The following MEX3C variants were observed in gnomAD, a reference collection of about 807,000 sequenced individuals.
MEX3C encodes the protein RNA-binding E3 ubiquitin-protein ligase MEX3C.
In MEX3C, 15 loss-of-function variants were observed where a neutral mutation model predicts 35.5. That is an observed-to-expected ratio of 0.42 (90% CI 0.28 to 0.65). The LOEUF (loss-of-function observed/expected upper bound fraction) is 0.65, where lower values mean the gene tolerates loss of function less well. MEX3C is among the 30% of genes least tolerant of loss of function. The probability of loss-of-function intolerance (pLI) is 0.20; values close to 1 mark genes in which losing one functional copy is unlikely to be tolerated. For missense variants in MEX3C, 711 were observed against 842.8 expected (o/e 0.84, Z 1.94); for synonymous variants, 390 against 352.8 (o/e 1.11, Z -1.18).
rs1169040406 is a variant in MEX3C at position 51,197,270 on chromosome 18, G to A, written c.51C>T (p.Pro17=). 3.4e-6 allele frequency: 3 copies of A among 876,314 alleles called. No homozygotes were observed. Among genetic ancestry groups the A allele is most frequent in the Non-Finnish European group, 2.7e-6 (2 of 732,898 alleles). The allele number at this position is 876,314 out of a possible 1,614,324, so 54.3% of individuals were successfully genotyped here. A position where few individuals can be genotyped will look rare whatever the true frequency, so the allele number is the denominator to read the frequency against. Residue 17 remains proline, a synonymous_variant, in exon 1 of 2, where the codon CCC becomes CCT. Coordinates refer to ENST00000406189, the MANE Select transcript of MEX3C (RefSeq NM_016626.5). ...AALALAAAPA[P]LPQPPPPPPP... ...GCGGCGGCGGGGGCGGCTGCGGCAG[G>A]GGGGCCGGGGCCGCCGCCAGGGCCA... is the stretch of plus-strand genomic sequence containing the variant.
chr18:51,189,420 T>C (rs1429473988), intron 1 of MEX3C, among the ~76,000 whole-genome samples: 1 of 152,266 alleles, frequency 6.6e-6, no homozygotes, highest in Middle Eastern at 3.4e-3. Flanking sequence ...CCTAAACCAA[T>C]GTTCTCTCAA....
Position 51,176,073 on chromosome 18 carries a change from G to A in MEX3C, c.*278C>T, listed in dbSNP as rs1912294401. ...CACAACCTATGATTATCTTCACTCA[G>A]CCAAGTTGAACTTCAGCTTTAGCAA... is the stretch of plus-strand genomic sequence containing the variant. On this transcript the variant is annotated 3_prime_UTR_variant, in exon 2 of 2. Coordinates refer to ENST00000406189, the MANE Select transcript of MEX3C (RefSeq NM_016626.5). 1.0e-5 allele frequency: 3 copies of A among 295,036 alleles called. No homozygotes were observed. In the East Asian group the frequency reaches 1.8e-4, roughly 18 times the overall value. 18.3% of individuals were successfully genotyped at this position (295,036 alleles called of 1,614,324 possible).
At chr18:51,187,234 A>G (rs930507763) in intron 1 of MEX3C, among the ~76,000 whole-genome samples, 2 of 152,182 alleles carry the variant, frequency 1.3e-5, no homozygotes, top group African/African-American at 4.8e-5. Context: ...AGTTATCTGA[A>G]TAACAAACAT....
At position 51,196,892 on chromosome 18, in the gene MEX3C, C is replaced by G; in HGVS notation, c.429G>C (p.Leu143=). 6.5e-7 allele frequency: 1 copy of G among 1,541,700 alleles called. No individual in the cohort carries two copies. The highest frequency in any genetic ancestry group is 1.4e-5 in the African/African-American group (1 of 72,290). Residue 143 remains leucine (L), a synonymous_variant, in exon 1 of 2, where the codon CTG becomes CTC. Transcript: ENST00000406189. ...AEEEDRSSLL[L]LSPPAATASQ... ...AGGCGGTGGCCGCGGGCGGCGACAG[C>G]AGCAGCAGCGACGACCGGTCCTCCT...
rs1444303302 is a variant in MEX3C at position 51,196,580 on chromosome 18, G to A, written c.741C>T (p.Ile247=). ...PVPSSEHVAE[I]VGRQGCKIKA... ...CCCTGCACTCACCCTGGCGGCCGAC[G>A]ATCTCGGCGACGTGCTCGGAGCTGG... Residue 247 remains isoleucine, a synonymous_variant, in exon 1 of 2, where the codon ATC becomes ATT. Transcript: ENST00000406189. The A allele has an allele frequency of 1.9e-6, 3 of 1,589,434 alleles. No homozygotes were observed. Among genetic ancestry groups the A allele is most frequent in the South Asian group, 1.1e-5 (1 of 88,634 alleles).
Position 51,196,748 on chromosome 18 carries a change from G to C in MEX3C, c.573C>G (p.Asp191Glu). The C allele has an allele frequency of 6.6e-7, 1 of 1,518,060 alleles. No individual in the cohort carries two copies. The highest frequency in any genetic ancestry group is 8.8e-7 in the Non-Finnish European group (1 of 1,134,196). The allele number at this position is 1,518,060 out of a possible 1,614,324, so 94.0% of individuals were successfully genotyped here. ...TCGCCGCCATCATGCCCTGGGCATC[G>C]TCCCCTCCGTACAGCACCCCCGCCG... ...AAAAGVLYGG[D>E]DAQGMMAAML... Residue 191 changes from aspartate (D) to glutamate (E), a missense_variant, in exon 1 of 2, where the codon GAC (aspartate) becomes GAG (glutamate). By Grantham distance (45) the Asp-to-Glu change is conservative. Coordinates refer to ENST00000406189, the MANE Select transcript of MEX3C (RefSeq NM_016626.5).
chr18:51,178,526 G>C (rs1338279523), intron 1 of MEX3C, among the ~76,000 whole-genome samples: 1 of 152,054 alleles, frequency 6.6e-6, no homozygotes, highest in Non-Finnish European at 1.5e-5. Context: ...GAGCTTGCCA[G>C]CATAGATGTG....
chr18:51,191,722 T>C (rs756052820), intron 1 of MEX3C, among the ~76,000 whole-genome samples: 1 of 152,190 alleles, frequency 6.6e-6, no homozygotes, highest in Non-Finnish European at 1.5e-5. Flanking sequence ...GATTTCTTTA[T>C]CTTCCAGAGT....
chr18:51,181,074 A>G (rs992715579), intron 1 of MEX3C, among the ~76,000 whole-genome samples: 4 of 152,198 alleles, frequency 2.6e-5, no homozygotes, highest in African/African-American at 9.7e-5. Flanking sequence ...TGACGAAGGT[A>G]TTAGCTTTTT....
chr18:51,176,570 G>A lies in MEX3C; in HGVS notation c.1761C>T (p.Tyr587=). The part of the protein sequence containing the change: ...IPAFSNGTNS[Y]SSSNGGSTSS... ...AGGTGGAACCACCATTGGAAGAGGA[G>A]TAACTATTGGTACCATTAGAAAAAG... Residue 587 remains tyrosine, a synonymous_variant, in exon 2 of 2, where the codon TAC becomes TAT. Coordinates refer to ENST00000406189, the MANE Select transcript of MEX3C (RefSeq NM_016626.5). 6.2e-7 allele frequency: 1 copy of A among 1,613,990 alleles called. No homozygotes were observed. The highest frequency in any genetic ancestry group is 1.1e-5 in the South Asian group (1 of 91,086).
chr18:51,183,515 A>T (rs1434250432), intron 1 of MEX3C, among the ~76,000 whole-genome samples: 1 of 152,240 alleles, frequency 6.6e-6, no homozygotes, highest in East Asian at 1.9e-4. Context: ...TGGCTCCTCA[A>T]GATTCCTGGG....
At chr18:51,182,414 T>A (rs1399262933) in intron 1 of MEX3C, among the ~76,000 whole-genome samples, 1 of 152,218 alleles carries the variant, frequency 6.6e-6, no homozygotes, top group Non-Finnish European at 1.5e-5. Context: ...AAAATCCACA[T>A]ATGGCAAGTT....
rs1458641765 is a variant in MEX3C at position 51,174,638 on chromosome 18, A to G, written c.*1713T>C. 6.6e-6 allele frequency: 1 copy of G among 152,670 alleles called. No homozygotes were observed. Among genetic ancestry groups the G allele is most frequent in the East Asian group, 1.9e-4 (1 of 5,204 alleles). 9.5% of individuals were successfully genotyped at this position (152,670 alleles called of 1,614,324 possible). On this transcript the variant is annotated 3_prime_UTR_variant, in exon 2 of 2. Transcript: ENST00000406189. ...TAATTCTCTTTACAGCAAATATATA[A>G]TATCAGTGCTTTGGCCATCTTAAGT... is the stretch of plus-strand genomic sequence containing the variant.
chr18:51,196,349 C>T, intron 1 of MEX3C: 1 of 1,116,168 alleles, frequency 9.0e-7, no homozygotes, highest in Non-Finnish European at 1.2e-6. Context: ...GCCCGAGAAA[C>T]TTCACACTTT....
intron 1 of MEX3C, among the ~76,000 whole-genome samples, chr18:51,180,001 G>C (rs148642354): frequency 6.8e-6 from 1 of 147,738 alleles, no homozygotes; most frequent in African/African-American, 2.5e-5. Context: ...TGGGCAAATT[G>C]CATTAAGGAC....
chr18:51,191,339 A>G (rs1912644862), intron 1 of MEX3C, among the ~76,000 whole-genome samples: 1 of 152,180 alleles, frequency 6.6e-6, no homozygotes, highest in African/African-American at 2.4e-5. Context: ...GCTATGCTGT[A>G]GTCTTTCATC....
intron 1 of MEX3C, among the ~76,000 whole-genome samples, chr18:51,191,675 A>T (rs1912651354): frequency 6.6e-6 from 1 of 152,174 alleles, no homozygotes; most frequent in Non-Finnish European, 1.5e-5. Context: ...ACCTTAACAA[A>T]AGTAATGTGC....
rs1010711565 is a variant in MEX3C at position 51,177,422 on chromosome 18, A to T, written c.909T>A (p.Ile303=). ...GCCCATTTTTGTTTCGAGATGCACG[A>T]ATCATGGAGAAGTGCTCTGCAGCTG... ...ILSAAEHFSM[I]RASRNKNGPA... Residue 303 remains isoleucine (I), a synonymous_variant, in exon 2 of 2, where the codon ATT becomes ATA. Coordinates refer to ENST00000406189, the MANE Select transcript of MEX3C (RefSeq NM_016626.5). This position sits in a 1 kb window ranked among gnomAD's most constrained non-coding sequence, Gnocchi z 4.2. 8 of 1,614,006 alleles carry T rather than the reference A, an allele frequency of 5.0e-6. No individual in the cohort carries two copies. Among genetic ancestry groups the T allele is most frequent in the Non-Finnish European group, 6.8e-6 (8 of 1,179,892 alleles).
In MEX3C at chr18:51,175,966, C is replaced by A; in HGVS notation, c.*385G>T. The A allele has an allele frequency of 6.1e-6, 1 of 163,034 alleles. No homozygotes were observed. The highest frequency in any genetic ancestry group is 1.3e-5 in the Non-Finnish European group (1 of 75,170). The allele number at this position is 163,034 out of a possible 1,614,324, so 10.1% of individuals were successfully genotyped here. On this transcript the variant is annotated 3_prime_UTR_variant, in exon 2 of 2. Transcript: ENST00000406189. ...TATGAATCGTCTGTAATGCCAAGTA[C>A]CCTCCATAAACTCTTAAAGTGGTTA...
Sources: allele counts gnomAD v4.1 joint callset (sites outside exome capture counted in the v4.1 genomes callset), GRCh38; gene constraint gnomAD v4.1.1; non-coding constraint Gnocchi (gnomAD v3.1); transcripts MANE v1.5; gene names NCBI Gene and HGNC (gene_info 2026-07-23, HGNC 2026-07-21).